Variants in UTP18 observed in about 807,000 individuals in gnomAD.
UTP18 encodes the protein UTP18 small subunit processome component.
In UTP18, 36 loss-of-function variants were observed where a neutral mutation model predicts 61.1. The observed-to-expected ratio is 0.59, with a 90% CI of 0.45 to 0.78. UTP18 has a LOEUF of 0.78. UTP18 is among the 30% of genes least tolerant of loss of function. The pLI, the probability that UTP18 is intolerant of heterozygous loss-of-function variation, is 0.00. For synonymous variants in UTP18, 282 were observed against 251.1 expected, an observed-to-expected ratio of 1.12 and a Z score of -1.16; for missense variants, 753 against 693.9, an observed-to-expected ratio of 1.09 and a Z score of -0.96.
Position 51,285,345 on chromosome 17 carries a change from G to C in UTP18, c.1305G>C (p.Arg435Ser), listed in dbSNP as rs868052126. 6.2e-7 allele frequency: 1 copy of C among 1,613,834 alleles called. No individual in the cohort carries two copies. The highest frequency in any genetic ancestry group is 1.7e-4 in the Middle Eastern group (1 of 6,060). ...ATGGATTAAGCATTGCCACATCTAG[G>C]AATGGACAGTATGTTGCTTGTGGGT... ...SLYGLSIATS[R>S]NGQYVACGSN... The change falls in exon 10 of 14, where the codon AGG becomes AGC. Residue 435 changes from arginine to serine, a missense_variant. Coordinates refer to ENST00000225298, the MANE Select transcript of UTP18 (RefSeq NM_016001.3).
chr17:51,297,524 G>C (rs1225029993), intron 13 of UTP18, among the ~76,000 whole-genome samples: 1 of 152,198 alleles, frequency 6.6e-6, no homozygotes, highest in East Asian at 1.9e-4. Context: ...CTGAGATTGA[G>C]CTTTGCAATT....
Position 51,279,987 on chromosome 17 carries a change from C to T in UTP18, c.1013-18C>T, listed in dbSNP as rs765741239. ...AACTATATAAAACTTTATTTAATTG[C>T]TTCATTTCCTATTTTAGGTTTGAAA... On this transcript the variant is annotated intron_variant, in intron 7 of 13. Coordinates refer to ENST00000225298, the MANE Select transcript of UTP18 (RefSeq NM_016001.3). 4 of 1,585,184 alleles carry T rather than the reference C, an allele frequency of 2.5e-6. No homozygotes were observed. The East Asian group carries it at 8.9e-5, about 35-fold the overall frequency.
chr17:51,287,170 G>A (rs1159081769), intron 10 of UTP18, among the ~76,000 whole-genome samples: 4 of 151,982 alleles, frequency 2.6e-5, no homozygotes, highest in East Asian at 1.9e-4. Context: ...CCCTTTGAAG[G>A]GCCTATATAG....
At chr17:51,294,089 A>G in intron 12 of UTP18, 44 bp downstream of exon 12, 2 of 1,487,778 alleles carry the variant, frequency 1.3e-6, no homozygotes, top group Non-Finnish European at 1.8e-6. Flanking sequence ...CCTATAAACT[A>G]CTTCTGACAG....
At chr17:51,271,582 T>TGTACTTCAGTCTGGG (rs752178671) in intron 4 of UTP18, among the ~76,000 whole-genome samples, 4,776 of 152,322 alleles carry the variant, frequency 0.031, 166 homozygotes, top group African/African-American at 0.08. Flanking sequence ...GGGTATATTT[T>TGTACTTCAGTCTGGG]TCTGATTCGT....
intron 4 of UTP18, among the ~76,000 whole-genome samples, chr17:51,272,649 T>G (rs991930081): frequency 6.6e-6 from 1 of 152,234 alleles, no homozygotes; most frequent in Non-Finnish European, 1.5e-5. Flanking sequence ...CGTTTTATTT[T>G]AATGAGGAAT....
At chr17:51,265,560 G>A (rs1363683307) in intron 2 of UTP18, among the ~76,000 whole-genome samples, 1 of 92,648 alleles carries the variant, frequency 1.1e-5, no homozygotes, top group Admixed American at 1.3e-4. Flanking sequence ...ACCGTGCCCG[G>A]CCTTTTTTTT....
intron 1 of UTP18, among the ~76,000 whole-genome samples, chr17:51,261,515 C>T (rs545717781): frequency 6.6e-6 from 1 of 152,172 alleles, no homozygotes. Context: ...CCTTTAAATT[C>T]TATACCAGGC....
chr17:51,265,781 C>T (rs1952618703), intron 2 of UTP18, among the ~76,000 whole-genome samples: 1 of 151,944 alleles, frequency 6.6e-6, no homozygotes, highest in South Asian at 2.1e-4. Context: ...CCAAGATGGT[C>T]TGGATCTCTT....
At chr17:51,274,139 G>C (rs58255126) in intron 5 of UTP18, among the ~76,000 whole-genome samples, 58,890 of 151,686 alleles carry the variant, frequency 0.39, 12,923 homozygotes, top group East Asian at 0.6. Context: ...ATGCTGCTAG[G>C]TCCTTTCTTG....
intron 4 of UTP18, among the ~76,000 whole-genome samples, chr17:51,271,497 A>G (rs1286675217): frequency 3.3e-5 from 5 of 151,710 alleles, no homozygotes; most frequent in South Asian, 2.1e-4. Flanking sequence ...TTTTTTTTGT[A>G]GTGACAGGAT....
chr17:51,261,131 C>T (rs1011087916), intron 1 of UTP18, among the ~76,000 whole-genome samples: 1 of 152,248 alleles, frequency 6.6e-6, no homozygotes, highest in Non-Finnish European at 1.5e-5. Context: ...AGGGCGGGGA[C>T]CGCGTCTTTC....
At chr17:51,291,596 G>A (rs917542313) in intron 11 of UTP18, among the ~76,000 whole-genome samples, 16 of 152,000 alleles carry the variant, frequency 1.1e-4, no homozygotes, top group African/African-American at 1.7e-4. Context: ...TTAGCTGGGC[G>A]TGGTAGCCCA....
At chr17:51,277,607 CA>C (rs1273291682) in intron 7 of UTP18, among the ~76,000 whole-genome samples, 1 of 152,104 alleles carries the variant, frequency 6.6e-6, no homozygotes, top group Non-Finnish European at 1.5e-5. Context: ...AAGCATGAGC[CA>C]TGGAGCTAGA....
rs75845214 is a variant in UTP18 at position 51,289,621 on chromosome 17, G to A, written c.1503+1418G>A. Among the ~76,000 whole-genome samples the A allele has an allele frequency of 7.2e-4, 109 of 152,242 alleles. No homozygotes were observed. The East Asian group carries it at 0.019, about 26-fold the overall frequency. On this transcript the variant is annotated intron_variant, in intron 11 of 13. Transcript: ENST00000225298. ...TGAAGTTTCCTAATCTTCAGGCAGA[G>A]CCAATTTTCTCATTCATTTAACAAT...
chr17:51,260,710 T>G lies in UTP18; in HGVS notation c.126T>G (p.Pro42=). 1 of 1,601,532 alleles carries G rather than the reference T, an allele frequency of 6.2e-7. No homozygotes were observed. The highest frequency in any genetic ancestry group is 8.5e-7 in the Non-Finnish European group (1 of 1,175,082). Residue 42 remains proline, a synonymous_variant, in exon 1 of 14, where the codon CCT becomes CCG. Transcript: ENST00000225298. ...GGCCAGGCGGGCCTCCCCAAAAGCC[T>G]GCCCCTTCATCCCAGCGGAAACCGC... ...GAGPGGPPQK[P]APSSQRKPPA...
intron 2 of UTP18, among the ~76,000 whole-genome samples, chr17:51,264,579 A>T (rs184263787): frequency 1.4e-5 from 2 of 141,938 alleles, no homozygotes; most frequent in Admixed American, 1.5e-4. Flanking sequence ...GTCCATTCTT[A>T]GACACAATGG....
chr17:51,280,069 T>A lies in UTP18; in HGVS notation c.1077T>A (p.Asn359Lys). The change falls in exon 8 of 14, where the codon AAT becomes AAA. Residue 359 changes from asparagine (N) to lysine (K), a missense_variant. By Grantham distance (94) the Asn-to-Lys change is moderately conservative. Transcript: ENST00000225298. The stretch of plus-strand genomic sequence containing the variant: ...CAGATGGGTCCTTCTTGCTCATAAA[T>A]GGCATTGCTGGATATTTGCATTTGC... Reference protein sequence around the residue: ...VSPDGSFLLINGIAGYLHLLA... With the variant: ...VSPDGSFLLIKGIAGYLHLLA... The A allele has an allele frequency of 6.2e-7, 1 of 1,613,940 alleles. No individual in the cohort carries two copies. The highest frequency in any genetic ancestry group is 8.5e-7 in the Non-Finnish European group (1 of 1,179,928).
chr17:51,264,687 C>CTTTTTTTT (rs780120792), intron 2 of UTP18, among the ~76,000 whole-genome samples: 1 of 139,474 alleles, frequency 7.2e-6, no homozygotes. Context: ...TAGTCATTGT[C>CTTTTTTTT]TTCTTTTTTT....
Sources: gnomAD v4.1 joint callset for allele counts (sites outside exome capture counted in the v4.1 genomes callset) on GRCh38, gnomAD v4.1.1 for gene constraint, MANE v1.5 for transcripts, NCBI Gene and HGNC (gene_info 2026-07-23, HGNC 2026-07-21) for gene names.